Variants in TSHZ2 observed in about 807,000 individuals in gnomAD.
TSHZ2 encodes the protein teashirt homolog 2.
Under a neutral mutation model 74.4 loss-of-function variants are expected in TSHZ2, and 21 were observed. That is an observed-to-expected ratio of 0.28 (90% confidence interval 0.20 to 0.41). The LOEUF is 0.41. TSHZ2 is among the 10% of genes least tolerant of loss of function. The pLI is 1.00. For missense variants in TSHZ2, 1,244 were observed against 1,293.5 expected, an observed-to-expected ratio of 0.96 and a Z score of 0.59; for synonymous variants, 540 against 515.3, an observed-to-expected ratio of 1.05 and a Z score of -0.65.
intron 1 of TSHZ2, among the ~76,000 whole-genome samples, chr20:53,083,257 A>G (rs1200300676): frequency 6.6e-6 from 1 of 152,202 alleles, no homozygotes; most frequent in East Asian, 1.9e-4. Context: ...GAGTTTTCCA[A>G]TTCTCCCTTA....
intron 2 of TSHZ2, among the ~76,000 whole-genome samples, chr20:53,344,703 A>T (rs1276324408): frequency 6.6e-6 from 1 of 152,230 alleles, no homozygotes; most frequent in East Asian, 1.9e-4. Flanking sequence ...CCAACTGGGT[A>T]TGTTAAAAAT....
chr20:53,369,186 T>A (rs1981378911), intron 2 of TSHZ2, among the ~76,000 whole-genome samples: 1 of 151,902 alleles, frequency 6.6e-6, no homozygotes. Flanking sequence ...GATCACCTGA[T>A]CCCAGGAGGT....
At chr20:53,076,817 G>T (rs1273347060) in intron 1 of TSHZ2, among the ~76,000 whole-genome samples, 1 of 152,186 alleles carries the variant, frequency 6.6e-6, no homozygotes, top group Non-Finnish European at 1.5e-5. Flanking sequence ...AGGCTGGAAA[G>T]AGTTAAATTA....
chr20:53,015,670 T>G (rs1361120940), intron 1 of TSHZ2, among the ~76,000 whole-genome samples: 3 of 152,154 alleles, frequency 2.0e-5, no homozygotes, highest in African/African-American at 7.2e-5. Flanking sequence ...GAGGGTAATG[T>G]GACTTGGGGG....
chr20:53,415,519 G>A (rs1983206475), intron 2 of TSHZ2, among the ~76,000 whole-genome samples: 1 of 151,520 alleles, frequency 6.6e-6, no homozygotes, highest in African/African-American at 2.4e-5. Flanking sequence ...CTACTCTACA[G>A]GCCTCCCACC....
At chr20:53,213,054 G>A (rs1261578189) in intron 1 of TSHZ2, among the ~76,000 whole-genome samples, 1 of 152,146 alleles carries the variant, frequency 6.6e-6, no homozygotes, top group Non-Finnish European at 1.5e-5. Flanking sequence ...GGACACAGGG[G>A]AAAGAAAGGA....
At chr20:53,329,042 C>A (rs1979610412) in intron 2 of TSHZ2, among the ~76,000 whole-genome samples, 2 of 152,206 alleles carry the variant, frequency 1.3e-5, no homozygotes, top group South Asian at 4.1e-4. Context: ...AACATTTCTA[C>A]TAGAAAATCA....
At chr20:53,366,484 C>T (rs911282091) in intron 2 of TSHZ2, among the ~76,000 whole-genome samples, 18 of 152,326 alleles carry the variant, frequency 1.2e-4, no homozygotes, top group South Asian at 6.2e-4. Context: ...GATACCATTT[C>T]GGTGCCTAAT....
At chr20:53,179,057 T>G (rs903464888) in intron 1 of TSHZ2, 2 of 152,220 alleles carry the variant, frequency 1.3e-5, no homozygotes, top group Non-Finnish European at 2.9e-5. Context: ...AACTCTTTTC[T>G]TTTTAGTTTA....
chr20:53,148,820 T>C (rs1051841906), intron 1 of TSHZ2, among the ~76,000 whole-genome samples: 3 of 152,162 alleles, frequency 2.0e-5, no homozygotes, highest in Non-Finnish European at 4.4e-5. Flanking sequence ...TTGCTTTTCA[T>C]TGGACTCAGT....
At chr20:53,310,111 C>G (rs1233994739) in intron 2 of TSHZ2, among the ~76,000 whole-genome samples, 3 of 152,200 alleles carry the variant, frequency 2.0e-5, no homozygotes, top group African/African-American at 7.2e-5. Context: ...GAAATAAAAG[C>G]AAGAGCCCAG....
intron 2 of TSHZ2, among the ~76,000 whole-genome samples, chr20:53,463,311 C>T (rs1985438572): frequency 6.6e-6 from 1 of 151,130 alleles, no homozygotes; most frequent in African/African-American, 2.4e-5. Flanking sequence ...CACATGAGCC[C>T]ATGAGCCTAG....
At position 53,015,080 on chromosome 20, in the gene TSHZ2, A is replaced by G. The variant is rs918834304; in HGVS notation, c.40+41747A>G. 2.6e-5 allele frequency among the ~76,000 whole-genome samples: 4 copies of G among 151,978 alleles called. No individual in the cohort carries two copies. The South Asian group carries it at 6.2e-4, about 24-fold the overall frequency. ...TTCCTTCTGTTTCTGAAAACAGCTG[A>G]CCCCATTCTGTCCTCTCAGTTTTAC... On this transcript the variant is annotated intron_variant, in intron 1 of 2. Transcript: ENST00000371497.
intron 1 of TSHZ2, among the ~76,000 whole-genome samples, chr20:53,244,279 G>A (rs776283341): frequency 1.4e-4 from 22 of 151,994 alleles, no homozygotes; most frequent in East Asian, 9.6e-4. Context: ...ATCCTTATGC[G>A]GAATAAACGT....
Position 53,012,503 on chromosome 20 carries a change from G to A in TSHZ2, c.40+39170G>A, listed in dbSNP as rs940093470. On this transcript the variant is annotated intron_variant, in intron 1 of 2. Coordinates refer to ENST00000371497, the MANE Select transcript of TSHZ2 (RefSeq NM_173485.6). The stretch of plus-strand genomic sequence containing the variant: ...GCAGGTGGTTCAAACACACTTTAAA[G>A]CTTGGGAAGTTTAGGTGTGGTACCT... Among the ~76,000 whole-genome samples, 4 of 152,170 alleles carry A rather than the reference G, an allele frequency of 2.6e-5. No homozygotes were observed. In the South Asian group the frequency reaches 8.3e-4, roughly 32 times the overall value.
intron 1 of TSHZ2, among the ~76,000 whole-genome samples, chr20:53,130,729 T>TGGTTAGGAGAGAAGATCTCAGG (rs1987079991): frequency 6.6e-6 from 1 of 152,102 alleles, no homozygotes; most frequent in South Asian, 2.1e-4. Flanking sequence ...AAGATCTCAG[T>TGGTTAGGAGAGAAGATCTCAGG]CGCTGGATTC....
At chr20:53,040,180 C>T (rs1024706460) in intron 1 of TSHZ2, among the ~76,000 whole-genome samples, 15 of 152,178 alleles carry the variant, frequency 9.9e-5, no homozygotes, top group African/African-American at 3.6e-4. Context: ...AAGCAATCAG[C>T]CCAGAGACGA....
chr20:53,072,384 G>T (rs1178988389), intron 1 of TSHZ2, among the ~76,000 whole-genome samples: 4 of 152,164 alleles, frequency 2.6e-5, no homozygotes, highest in Non-Finnish European at 4.4e-5. Flanking sequence ...CCACTTGGGG[G>T]AAAGGGGTCC....
chr20:53,435,786 T>C (rs546410651), intron 2 of TSHZ2, among the ~76,000 whole-genome samples: 13 of 152,246 alleles, frequency 8.5e-5, no homozygotes, highest in Non-Finnish European at 1.8e-4. Flanking sequence ...GTGCTGGGAT[T>C]ACAGGCATGA....
Sources: allele counts gnomAD v4.1 joint callset (sites outside exome capture counted in the v4.1 genomes callset), GRCh38; gene constraint gnomAD v4.1.1; transcripts MANE v1.5; gene names NCBI Gene and HGNC (gene_info 2026-07-23, HGNC 2026-07-21).